Variants in SCML4 observed in about 807,000 individuals in gnomAD.
SCML4 encodes the protein sex comb on midleg-like protein 4.
Under a neutral mutation model 41.1 loss-of-function variants are expected in SCML4, and 34 were observed. The observed-to-expected ratio is 0.83, with a 90% confidence interval of 0.63 to 1.10. SCML4 has a LOEUF of 1.10. Ranked by LOEUF, SCML4 falls within the 50% of genes least tolerant of loss-of-function variation. The pLI, the probability that SCML4 is intolerant of heterozygous loss-of-function variation, is 0.00. For synonymous variants in SCML4, 214 were observed against 220.9 expected, an observed-to-expected ratio of 0.97 and a Z score of 0.28; for missense variants, 522 against 534.1, an observed-to-expected ratio of 0.98 and a Z score of 0.22.
At chr6:107,801,980 C>A (rs894000697) in intron 1 of SCML4, among the ~76,000 whole-genome samples, 1 of 151,684 alleles carries the variant, frequency 6.6e-6, no homozygotes, top group African/African-American at 2.4e-5. Flanking sequence ...ACCATGTTAG[C>A]CAGGATGGTC....
intron 5 of SCML4, 49 bp from the exon 6 acceptor site, chr6:107,721,042 GA>G: frequency 6.5e-7 from 1 of 1,538,528 alleles, no homozygotes; most frequent in Non-Finnish European, 8.8e-7. Context: ...AGCAGTTCAG[GA>G]AGCTATCAGA....
intron 2 of SCML4, among the ~76,000 whole-genome samples, chr6:107,760,498 C>G (rs543234834): frequency 3.3e-5 from 5 of 152,272 alleles, no homozygotes; most frequent in South Asian, 2.1e-4. Context: ...TTACCAGAAG[C>G]CGGACCTCAC....
intron 5 of SCML4, among the ~76,000 whole-genome samples, chr6:107,733,319 T>G (rs1776740202): frequency 6.6e-6 from 1 of 151,590 alleles, no homozygotes; most frequent in African/African-American, 2.4e-5. Flanking sequence ...GAAGTTGTCA[T>G]TATTAACTCA....
At chr6:107,722,960 A>G (rs1458945890) in intron 5 of SCML4, among the ~76,000 whole-genome samples, 1 of 152,196 alleles carries the variant, frequency 6.6e-6, no homozygotes, top group Non-Finnish European at 1.5e-5. Flanking sequence ...AAAAAACAAT[A>G]GAAGAAATCA....
chr6:107,827,298 G>GT (rs1399818902), upstream of SCML4, among the ~76,000 whole-genome samples: 1 of 140,914 alleles, frequency 7.1e-6, no homozygotes, highest in Non-Finnish European at 1.5e-5. Flanking sequence ...ATATATATTT[G>GT]TTTTTTACTT....
chr6:107,735,442 C>CG (rs1776961366), intron 5 of SCML4, among the ~76,000 whole-genome samples: 1 of 151,760 alleles, frequency 6.6e-6, no homozygotes, highest in Non-Finnish European at 1.5e-5. Context: ...TTTTTGAGGG[C>CG]GGGGGGATTC....
At chr6:107,842,450 T>A in the SCML4 span, among the ~76,000 whole-genome samples, 1 of 152,210 alleles carries the variant, frequency 6.6e-6, no homozygotes, top group Non-Finnish European at 1.5e-5. Flanking sequence ...TTATCCAGAG[T>A]GCAGTGGCGC....
At chr6:107,722,058 C>T (rs1013005175) in intron 5 of SCML4, among the ~76,000 whole-genome samples, 10 of 149,488 alleles carry the variant, frequency 6.7e-5, no homozygotes, top group African/African-American at 1.7e-4. Flanking sequence ...GGTGCGATCT[C>T]GGCTCACTGC....
At chr6:107,787,395 G>A (rs1781984712) in intron 1 of SCML4, among the ~76,000 whole-genome samples, 1 of 151,944 alleles carries the variant, frequency 6.6e-6, no homozygotes, top group Non-Finnish European at 1.5e-5. Flanking sequence ...AGCTGCGACT[G>A]TCACTCAGCC....
At chr6:107,838,740 A>G in the SCML4 span, among the ~76,000 whole-genome samples, 1 of 152,192 alleles carries the variant, frequency 6.6e-6, no homozygotes, top group Non-Finnish European at 1.5e-5. Context: ...CGGTTTGGGG[A>G]TAAATTTGTG....
chr6:107,837,804 A>G, the SCML4 span, among the ~76,000 whole-genome samples: 1 of 152,076 alleles, frequency 6.6e-6, no homozygotes, highest in Non-Finnish European at 1.5e-5. Context: ...TCCAGTTGCA[A>G]CTGACCCTCC....
Position 107,769,332 on chromosome 6 carries a change from C to T in SCML4, c.156+2840G>A, listed in dbSNP as rs62426338. On this transcript the variant is annotated intron_variant, in intron 2 of 7. Coordinates refer to ENST00000369020, the MANE Select transcript of SCML4 (RefSeq NM_198081.5). ...GAACTCTAGAGCATTGACACCTGAC[C>T]GCCAGTGTAACCCTCCCTTATCTGC... is the stretch of plus-strand genomic sequence containing the variant. Among the ~76,000 whole-genome samples, 104 of 152,308 alleles carry T rather than the reference C, an allele frequency of 6.8e-4. 3 individuals are homozygous for T. In the South Asian group the frequency reaches 7.7e-3, roughly 11 times the overall value.
At chr6:107,802,350 T>G (rs1321513449) in intron 1 of SCML4, among the ~76,000 whole-genome samples, 1 of 152,122 alleles carries the variant, frequency 6.6e-6, no homozygotes. Context: ...GAGCAGAGAC[T>G]TCAAGGAACT....
intron 1 of SCML4, among the ~76,000 whole-genome samples, chr6:107,802,807 T>G (rs9384660): frequency 0.9 from 132,896 of 146,988 alleles, 61,404 homozygotes; most frequent in Non-Finnish European, 1. Flanking sequence ...AAAGCTGGAC[T>G]GTACTGCTGC....
intron 5 of SCML4, among the ~76,000 whole-genome samples, chr6:107,734,958 C>A (rs551732693): frequency 6.6e-6 from 1 of 152,154 alleles, no homozygotes; most frequent in African/African-American, 2.4e-5. Context: ...TCACAGCAAC[C>A]TCCACCTCCT....
At chr6:107,709,932 ACTC>A (rs1774076770) in intron 6 of SCML4, among the ~76,000 whole-genome samples, 1 of 150,996 alleles carries the variant, frequency 6.6e-6, no homozygotes, top group African/African-American at 2.4e-5. Context: ...CTGGTTGGGA[ACTC>A]CTGACCTCAG....
chr6:107,794,309 C>T (rs1436246667), intron 1 of SCML4, among the ~76,000 whole-genome samples: 1 of 152,108 alleles, frequency 6.6e-6, no homozygotes, highest in Non-Finnish European at 1.5e-5. Context: ...CTGGGCTGGC[C>T]AAATAAATCA....
chr6:107,720,039 C>T, intron 6 of SCML4: 1 of 985,458 alleles, frequency 1.0e-6, no homozygotes, highest in Middle Eastern at 5.2e-4. Context: ...GGCATTACAA[C>T]CAGCATTGGG....
intron 1 of SCML4, among the ~76,000 whole-genome samples, chr6:107,803,361 C>A (rs1328388649): frequency 6.6e-6 from 1 of 151,704 alleles, no homozygotes; most frequent in East Asian, 1.9e-4. Flanking sequence ...CGGCAGCCAC[C>A]CCGTCTGGGA....
Sources: gnomAD v4.1 joint callset for allele counts (sites outside exome capture counted in the v4.1 genomes callset) on GRCh38, gnomAD v4.1.1 for gene constraint, MANE v1.5 for transcripts, NCBI Gene and HGNC (gene_info 2026-07-23, HGNC 2026-07-21) for gene names.